The following ABI1 variants were observed in gnomAD, a reference collection of about 807,000 sequenced individuals.
ABI1 encodes the protein abl interactor 1.
Under a neutral mutation model 54.6 loss-of-function variants are expected in ABI1, and 14 were observed. That is an observed-to-expected ratio of 0.26 (90% CI 0.17 to 0.40). ABI1 has a LOEUF of 0.40. ABI1 is among the 10% of genes least tolerant of loss of function. ABI1 has a pLI of 1.00. For synonymous variants in ABI1, 194 were observed against 209.3 expected (o/e 0.93, Z 0.63); for missense variants, 443 against 598.3 (o/e 0.74, Z 2.71).
At chr10:26,780,752 C>G (rs930993762) in intron 2 of ABI1, among the ~76,000 whole-genome samples, 11 of 152,154 alleles carry the variant, frequency 7.2e-5, no homozygotes, top group Admixed American at 5.9e-4. Context: ...AGAGCACAGA[C>G]TCAACATTTT....
At chr10:26,748,848 T>C (rs979115543) in intron 10 of ABI1, 103 bp from the exon 11 acceptor site, 2 of 822,048 alleles carry the variant, frequency 2.4e-6, no homozygotes. Context: ...CAAAACTATT[T>C]TTATGAAGAT....
At chr10:26,790,373 T>C (rs1439224412) in intron 2 of ABI1, among the ~76,000 whole-genome samples, 1 of 152,262 alleles carries the variant, frequency 6.6e-6, no homozygotes. Context: ...TTTGCATTTC[T>C]TTAATGGTCA....
chr10:26,853,688 G>A (rs1192098505), intron 1 of ABI1, among the ~76,000 whole-genome samples: 8 of 151,706 alleles, frequency 5.3e-5, no homozygotes, highest in East Asian at 1.9e-4. Flanking sequence ...ACAGATGCCC[G>A]CCACCACACC....
rs376485217 is a variant in ABI1 at position 26,748,534 on chromosome 10, G to A, written c.*36C>T. 6.3e-5 allele frequency: 94 copies of A among 1,488,192 alleles called. No homozygotes were observed. The highest frequency in any genetic ancestry group is 8.3e-5 in the Non-Finnish European group (90 of 1,087,732). The allele number at this position is 1,488,192 out of a possible 1,614,324, so 92.2% of individuals were successfully genotyped here. ...ACCATAATAGTCCCACAGTATGACT[G>A]AGTAATAAGAATCTACTTCAAAAGA... On this transcript the variant is annotated 3_prime_UTR_variant, in exon 11 of 11. Transcript: ENST00000376140.
At chr10:26,768,044 T>A (rs1306942055) in intron 6 of ABI1, among the ~76,000 whole-genome samples, 1 of 150,972 alleles carries the variant, frequency 6.6e-6, no homozygotes, top group African/African-American at 2.4e-5. Context: ...AGACTCCATC[T>A]CCAAAAAGAT....
rs779160973 is a variant in ABI1 at position 26,759,251 on chromosome 10, A to T, written c.821-13T>A. ...GAGCCCGGGGCTGCTGAAAAGCATT[A>T]GTCAAAGGCAACCAACAAAGAGACT... On this transcript the variant is annotated splice_polypyrimidine_tract_variant and intron_variant, in intron 7 of 10. Transcript: ENST00000376140. The T allele has an allele frequency of 1.1e-5, 17 of 1,611,470 alleles. No individual in the cohort carries two copies. The highest frequency in any genetic ancestry group is 1.4e-5 in the Non-Finnish European group (17 of 1,178,914).
intron 7 of ABI1, chr10:26,764,088 A>C: frequency 1.7e-6 from 1 of 582,948 alleles, no homozygotes. Context: ...GCATGCTCAA[A>C]TGAGTATGAA....
chr10:26,837,632 AAC>A (rs2049176793), intron 1 of ABI1, among the ~76,000 whole-genome samples: 1 of 152,134 alleles, frequency 6.6e-6, no homozygotes, highest in African/African-American at 2.4e-5. Context: ...TTGTTTTTGA[AAC>A]AGAGTCTCAC....
At position 26,746,624 on chromosome 10, in the gene ABI1, C is replaced by T; in HGVS notation, c.*1946G>A. ...ATGGGCAATTTATTTTTTTTTATTGCAAAAGTTTTTTCAGAAAACTTTTTA... is the reference window on the plus strand; with the variant it reads ...ATGGGCAATTTATTTTTTTTTATTGTAAAAGTTTTTTCAGAAAACTTTTTA... On this transcript the variant is annotated 3_prime_UTR_variant, in exon 11 of 11. Transcript: ENST00000376140. The T allele has an allele frequency of 1.2e-6, 1 of 814,702 alleles. No individual in the cohort carries two copies. Among genetic ancestry groups the T allele is most frequent in the Non-Finnish European group, 1.9e-6 (1 of 514,130 alleles). The allele number at this position is 814,702 out of a possible 1,614,324, so 50.5% of individuals were successfully genotyped here.
At chr10:26,859,548 C>G (rs1414499881) in intron 1 of ABI1, among the ~76,000 whole-genome samples, 1 of 152,208 alleles carries the variant, frequency 6.6e-6, no homozygotes, top group Non-Finnish European at 1.5e-5. Context: ...GACTGTGCTA[C>G]TTTGTTTCTA....
At chr10:26,848,398 AATTTT>A (rs1198907715) in intron 1 of ABI1, among the ~76,000 whole-genome samples, 1 of 129,982 alleles carries the variant, frequency 7.7e-6, no homozygotes, top group African/African-American at 3.2e-5. Flanking sequence ...AAAATCATTT[AATTTT>A]AAAACCGCCT....
chr10:26,781,489 C>A (rs1842095967), intron 2 of ABI1, among the ~76,000 whole-genome samples: 1 of 152,220 alleles, frequency 6.6e-6, no homozygotes, highest in Non-Finnish European at 1.5e-5. Flanking sequence ...GATGATTCAA[C>A]TAAGCTGAGA....
chr10:26,856,386 G>A (rs2050811669), intron 1 of ABI1, among the ~76,000 whole-genome samples: 1 of 134,340 alleles, frequency 7.4e-6, no homozygotes, highest in African/African-American at 2.8e-5. Flanking sequence ...CTGAACTTTA[G>A]GTTGGGTATT....
intron 2 of ABI1, among the ~76,000 whole-genome samples, chr10:26,813,025 G>A (rs1450415198): frequency 1.3e-5 from 2 of 152,108 alleles, no homozygotes; most frequent in African/African-American, 4.8e-5. Flanking sequence ...AAGGCAGGTG[G>A]ATCACTTGAG....
At chr10:26,855,267 G>A (rs1241584449) in intron 1 of ABI1, among the ~76,000 whole-genome samples, 2 of 152,168 alleles carry the variant, frequency 1.3e-5, no homozygotes, top group South Asian at 2.1e-4. Context: ...TCACAACCTG[G>A]AAACAATGGT....
chr10:26,774,070 G>A (rs1841078515), intron 3 of ABI1, among the ~76,000 whole-genome samples: 1 of 152,070 alleles, frequency 6.6e-6, no homozygotes, highest in African/African-American at 2.4e-5. Flanking sequence ...AAAATCCAAG[G>A]ATGCTCAAAT....
intron 1 of ABI1, among the ~76,000 whole-genome samples, chr10:26,858,112 T>C (rs865987981): frequency 6.6e-6 from 1 of 152,116 alleles, no homozygotes; most frequent in African/African-American, 2.4e-5. Flanking sequence ...AGCAATAACT[T>C]AGCTCACCTT....
intron 2 of ABI1, among the ~76,000 whole-genome samples, chr10:26,815,250 C>T (rs142907505): frequency 1.2e-4 from 18 of 152,190 alleles, no homozygotes; most frequent in African/African-American, 4.3e-4. Context: ...TAGATTTCAG[C>T]TGCATTTAAG....
intron 10 of ABI1, among the ~76,000 whole-genome samples, chr10:26,749,983 A>G (rs1379330410): frequency 1.3e-5 from 2 of 152,196 alleles, no homozygotes; most frequent in Non-Finnish European, 2.9e-5. Flanking sequence ...TATCAAATAT[A>G]TTACCCAATA....
Sources: gnomAD v4.1 joint callset for allele counts (sites outside exome capture counted in the v4.1 genomes callset) on GRCh38, gnomAD v4.1.1 for gene constraint, MANE v1.5 for transcripts, NCBI Gene and HGNC (gene_info 2026-07-23, HGNC 2026-07-21) for gene names.